The following SEC23IP variants were observed in gnomAD, a reference collection of about 807,000 sequenced individuals.
SEC23IP encodes SEC23-interacting protein.
SEC23IP carries 70 observed loss-of-function variants against 113.4 expected under a neutral mutation model. The ratio of observed to expected loss-of-function variants is 0.62; its 90% CI spans 0.51 to 0.75. The LOEUF is 0.75. SEC23IP is among the 30% of genes least tolerant of loss of function. The pLI, the probability that SEC23IP is intolerant of heterozygous loss-of-function variation, is 0.00. For missense variants in SEC23IP, 1,160 were observed against 1,204.9 expected, an observed-to-expected ratio of 0.96 and a Z score of 0.55; for synonymous variants, 398 against 421.0, an observed-to-expected ratio of 0.95 and a Z score of 0.67.
At chr10:119,936,274 T>C (rs1855776641) in intron 18 of SEC23IP, among the ~76,000 whole-genome samples, 1 of 152,046 alleles carries the variant, frequency 6.6e-6, no homozygotes, top group Admixed American at 6.6e-5. Context: ...TTGAAAAGAT[T>C]TTTGGCTGGG....
chr10:119,893,055 C>G (rs920593036), intron 1 of SEC23IP, 110 bp downstream of exon 1: 47 of 1,250,866 alleles, frequency 3.8e-5, no homozygotes, highest in Non-Finnish European at 5.1e-5. Context: ...CTCTGGATAG[C>G]TTGCCAGGAT....
intron 12 of SEC23IP, 73 bp from the exon 13 acceptor site, chr10:119,925,963 G>A (rs1855405701): frequency 8.3e-7 from 1 of 1,209,196 alleles, no homozygotes. Context: ...TACTGAGATA[G>A]CATGTTTTGT....
chr10:119,893,243 G>T (rs188774551), intron 1 of SEC23IP, among the ~76,000 whole-genome samples: 1 of 152,270 alleles, frequency 6.6e-6, no homozygotes, highest in African/African-American at 2.4e-5. Flanking sequence ...GCCAGGTGCT[G>T]GCAGGAAATG....
intron 1 of SEC23IP, chr10:119,898,192 A>G (rs1854344562): frequency 1.5e-6 from 1 of 649,280 alleles, no homozygotes; most frequent in Non-Finnish European, 2.2e-6. Context: ...AGGTGGGCTT[A>G]TGAATGAATT....
intron 18 of SEC23IP, among the ~76,000 whole-genome samples, chr10:119,935,429 C>A (rs1855742767): frequency 6.6e-6 from 1 of 152,032 alleles, no homozygotes; most frequent in Non-Finnish European, 1.5e-5. Context: ...CCACTGCACT[C>A]CGGCCTGGAT....
chr10:119,939,409 C>T (rs995346621), intron 18 of SEC23IP, among the ~76,000 whole-genome samples: 7 of 152,024 alleles, frequency 4.6e-5, no homozygotes, highest in African/African-American at 1.2e-4. Context: ...TAGCTGGTCA[C>T]GGTGGCTCAT....
intron 12 of SEC23IP, among the ~76,000 whole-genome samples, chr10:119,921,486 A>G (rs1855249229): frequency 6.6e-6 from 1 of 152,184 alleles, no homozygotes; most frequent in African/African-American, 2.4e-5. Context: ...CTTCATTTCT[A>G]AAATGGAATA....
At chr10:119,933,859 T>G (rs1228520383) in intron 18 of SEC23IP, 72 bp downstream of exon 18, 5 of 715,862 alleles carry the variant, frequency 7.0e-6, no homozygotes, top group African/African-American at 1.8e-5. Context: ...GGAGTTGATG[T>G]TGACTGATTT....
chr10:119,909,757 T>TA (rs1854797505), intron 5 of SEC23IP, among the ~76,000 whole-genome samples: 1 of 151,868 alleles, frequency 6.6e-6, no homozygotes, highest in Non-Finnish European at 1.5e-5. Context: ...TAGCTGAGCA[T>TA]AGTGGTGTGC....
intron 1 of SEC23IP, among the ~76,000 whole-genome samples, chr10:119,894,892 CTGTG>C (rs3065498): frequency 0.08 from 11,433 of 143,342 alleles, 451 homozygotes; most frequent in Admixed American, 0.1. Context: ...TGGAGACAGT[CTGTG>C]TGTGTGTGTG....
chr10:119,936,759 A>G (rs1237166420), intron 18 of SEC23IP, among the ~76,000 whole-genome samples: 3 of 151,952 alleles, frequency 2.0e-5, no homozygotes, highest in African/African-American at 7.3e-5. Flanking sequence ...TTCTATTATT[A>G]GTGAAGTTGA....
chr10:119,919,559 G>A lies in SEC23IP; in HGVS notation c.1988G>A (p.Ser663Asn). The change falls in exon 11 of 19, where the codon AGC becomes AAC. Residue 663 changes from serine to asparagine, a missense_variant. Ser to Asn is a conservative substitution (Grantham distance 46). Coordinates refer to ENST00000369075, the MANE Select transcript of SEC23IP (RefSeq NM_007190.4). ...GCACTTAGCCTCTCTGAATATTTTA[G>A]CACTTTTGAAAAGGAAAAGATTGAT... ...LEALSLSEYF[S>N]TFEKEKIDME... is the part of the protein sequence containing the mutation. 3 of 1,613,356 alleles carry A rather than the reference G, an allele frequency of 1.9e-6. No homozygotes were observed. The highest frequency in any genetic ancestry group is 2.5e-6 in the Non-Finnish European group (3 of 1,179,796).
At chr10:119,893,091 C>T (rs1854146459) in intron 1 of SEC23IP, 146 bp downstream of exon 1, 1 of 858,462 alleles carries the variant, frequency 1.2e-6, no homozygotes, top group Non-Finnish European at 1.7e-6. Context: ...TTGAGTGGGT[C>T]GGGGGCTTTG....
chr10:119,910,500 T>C (rs1300277918), intron 5 of SEC23IP, among the ~76,000 whole-genome samples: 2 of 152,176 alleles, frequency 1.3e-5, no homozygotes, highest in African/African-American at 4.8e-5. Flanking sequence ...CATTTGTTTT[T>C]ATAGAAAAGT....
intron 5 of SEC23IP, among the ~76,000 whole-genome samples, chr10:119,910,342 C>G (rs1335008202): frequency 6.6e-6 from 1 of 152,090 alleles, no homozygotes; most frequent in East Asian, 1.9e-4. Context: ...CATTTGCCAA[C>G]CTTAATTTCT....
At chr10:119,894,319 G>A (rs967502323) in intron 1 of SEC23IP, among the ~76,000 whole-genome samples, 1 of 152,158 alleles carries the variant, frequency 6.6e-6, no homozygotes, top group Non-Finnish European at 1.5e-5. Context: ...ATTTATTCTT[G>A]TTTGAAGGAT....
Position 119,917,817 on chromosome 10 carries a change from T to C in SEC23IP, c.1545-19T>C. 1 of 1,593,264 alleles carries C rather than the reference T, an allele frequency of 6.3e-7. No homozygotes were observed. The highest frequency in any genetic ancestry group is 2.2e-5 in the East Asian group (1 of 44,694). On this transcript the variant is annotated intron_variant, in intron 8 of 18. Transcript: ENST00000369075. ...AGGTAGATGCTGACTGAATGTGCTG[T>C]ATTTTTCTTTTTAAACAGGAATATT...
chr10:119,937,915 T>C (rs1855848260), intron 18 of SEC23IP, among the ~76,000 whole-genome samples: 1 of 152,182 alleles, frequency 6.6e-6, no homozygotes, highest in Admixed American at 6.5e-5. Flanking sequence ...GGCTTTCTCA[T>C]CTCTTCTGGT....
chr10:119,917,500 T>C (rs931282321), intron 8 of SEC23IP, among the ~76,000 whole-genome samples: 6 of 151,800 alleles, frequency 4.0e-5, no homozygotes, highest in Non-Finnish European at 7.4e-5. Context: ...TGCCTCACCC[T>C]CCTGAGTAGC....
Sources: allele counts gnomAD v4.1 joint callset (sites outside exome capture counted in the v4.1 genomes callset), GRCh38; gene constraint gnomAD v4.1.1; transcripts MANE v1.5; gene names NCBI Gene and HGNC (gene_info 2026-07-23, HGNC 2026-07-21).